The following ADAMTSL1 variants were observed in gnomAD, a reference collection of about 807,000 sequenced individuals.
ADAMTSL1 encodes the protein ADAMTS-like protein 1.
Under a neutral mutation model 201.8 loss-of-function variants are expected in ADAMTSL1, and 126 were observed. The ratio of observed to expected loss-of-function variants is 0.62; its 90% CI spans 0.54 to 0.72. The LOEUF (loss-of-function observed/expected upper bound fraction) is 0.72, where lower values mean the gene tolerates loss of function less well. ADAMTSL1 is among the 30% of genes least tolerant of loss of function. The pLI, the probability that ADAMTSL1 is intolerant of heterozygous loss-of-function variation, is 0.00. For missense variants in ADAMTSL1, 2,679 were observed against 2,277.8 expected, an observed-to-expected ratio of 1.18 and a Z score of -3.59; for synonymous variants, 1,121 against 903.4, an observed-to-expected ratio of 1.24 and a Z score of -4.32.
intron 9 of ADAMTSL1, among the ~76,000 whole-genome samples, chr9:18,672,318 A>C (rs1294226847): frequency 1.3e-5 from 2 of 152,198 alleles, no homozygotes; most frequent in Non-Finnish European, 2.9e-5. Flanking sequence ...TCATAGTTCC[A>C]AAGTTTCTGT....
chr9:18,843,359 G>A (rs1282607801), intron 23 of ADAMTSL1, among the ~76,000 whole-genome samples: 1 of 150,834 alleles, frequency 6.6e-6, no homozygotes, highest in Non-Finnish European at 1.5e-5. Flanking sequence ...GTTGAATATT[G>A]GTCCCCCCTC....
At chr9:17,933,727 G>C (rs1826892551) in intron 1 of ADAMTSL1, among the ~76,000 whole-genome samples, 1 of 152,086 alleles carries the variant, frequency 6.6e-6, no homozygotes, top group Admixed American at 6.6e-5. Flanking sequence ...CAGAGAAAGG[G>C]GAGGTGCTAC....
intron 2 of ADAMTSL1, among the ~76,000 whole-genome samples, chr9:18,180,651 G>A (rs1470718006): frequency 1.3e-5 from 2 of 151,838 alleles, no homozygotes; most frequent in Non-Finnish European, 2.9e-5. Flanking sequence ...CAAACAAATG[G>A]AAGAACATTC....
At chr9:18,640,486 A>G (rs924183217) in intron 7 of ADAMTSL1, among the ~76,000 whole-genome samples, 5 of 152,100 alleles carry the variant, frequency 3.3e-5, no homozygotes, top group Non-Finnish European at 5.9e-5. Context: ...CTGAAATTAT[A>G]TAACTGGATT....
At chr9:18,388,047 CTTTG>C (rs1837876669) in intron 2 of ADAMTSL1, among the ~76,000 whole-genome samples, 1 of 151,878 alleles carries the variant, frequency 6.6e-6, no homozygotes, top group Non-Finnish European at 1.5e-5. Context: ...ATTAATGCTT[CTTTG>C]TTTGATATTT....
chr9:18,773,347 G>T (rs147264155), intron 17 of ADAMTSL1, among the ~76,000 whole-genome samples: 1 of 152,128 alleles, frequency 6.6e-6, no homozygotes, highest in Non-Finnish European at 1.5e-5. Context: ...GAAAGAGTTT[G>T]ATATTAAATA....
rs118075068 is a variant in ADAMTSL1 at position 18,899,962 on chromosome 9, C to T, written c.4852-5820C>T. 2.4e-3 allele frequency among the ~76,000 whole-genome samples: 359 copies of T among 152,264 alleles called. 3 individuals carry two copies. The highest frequency in any genetic ancestry group is 4.3e-3 in the Non-Finnish European group (291 of 68,022). On this transcript the variant is annotated intron_variant, in intron 26 of 28. Coordinates refer to ENST00000380548, the MANE Select transcript of ADAMTSL1 (RefSeq NM_001040272.6). ...AATGAGTTCTAACTAAACTAAAGAG[C>T]TTCTGCTCATCAAAAGAAACTATCA...
At chr9:17,995,547 G>T (rs183803464) in intron 1 of ADAMTSL1, among the ~76,000 whole-genome samples, 1 of 151,976 alleles carries the variant, frequency 6.6e-6, no homozygotes, top group Admixed American at 6.6e-5. Context: ...GAATAGTTTG[G>T]TCTGAACTAG....
Position 18,908,714 on chromosome 9 carries a change from G to A in ADAMTSL1, c.*166G>A, listed in dbSNP as rs1387331359. ...TCCACCTTCAAGCATAAGGACGTCC[G>A]CGTGTTTTCTCTTTCAGTTAGCTGG... On this transcript the variant is annotated 3_prime_UTR_variant, in exon 29 of 29. Coordinates refer to ENST00000380548, the MANE Select transcript of ADAMTSL1 (RefSeq NM_001040272.6). 14 of 585,802 alleles carry A rather than the reference G, an allele frequency of 2.4e-5. No homozygotes were observed. The highest frequency in any genetic ancestry group is 3.9e-5 in the Non-Finnish European group (13 of 332,178). The allele number at this position is 585,802 out of a possible 1,614,324, so 36.3% of individuals were successfully genotyped here.
intron 2 of ADAMTSL1, among the ~76,000 whole-genome samples, chr9:18,289,198 G>C (rs1462877791): frequency 6.8e-6 from 1 of 146,144 alleles, no homozygotes; most frequent in Non-Finnish European, 1.5e-5. Flanking sequence ...TCTATAGAGA[G>C]ATATGGATAT....
chr9:18,695,532 T>A (rs1458126104), intron 13 of ADAMTSL1, among the ~76,000 whole-genome samples: 1 of 152,248 alleles, frequency 6.6e-6, no homozygotes, highest in African/African-American at 2.4e-5. Flanking sequence ...AACACTTTGC[T>A]GCTTAGAAAT....
chr9:18,567,845 G>A lies in ADAMTSL1; in HGVS notation c.238-6185G>A, dbSNP rs140444802. 4.3e-3 allele frequency among the ~76,000 whole-genome samples: 652 copies of A among 152,104 alleles called. 4 individuals are homozygous for A. Among genetic ancestry groups the A allele is most frequent in the African/African-American group, 0.014 (596 of 41,500 alleles). On this transcript the variant is annotated intron_variant, in intron 3 of 28. Transcript: ENST00000380548. ...ATTTATAAATCACATTGAGAAATTA[G>A]CAAAAATAATAAAATAGAATTTTAA...
chr9:18,899,879 G>C (rs1829901485), intron 26 of ADAMTSL1, among the ~76,000 whole-genome samples: 2 of 152,132 alleles, frequency 1.3e-5, no homozygotes, highest in African/African-American at 4.8e-5. Context: ...CATAGGCATA[G>C]GCAAAGATTT....
At chr9:18,517,217 G>T (rs1257060488) in intron 2 of ADAMTSL1, among the ~76,000 whole-genome samples, 6 of 152,170 alleles carry the variant, frequency 3.9e-5, no homozygotes, top group Non-Finnish European at 8.8e-5. Context: ...CTTCTTGCTA[G>T]TGGATCTTAA....
At chr9:18,665,278 C>T (rs953932086) in intron 9 of ADAMTSL1, among the ~76,000 whole-genome samples, 5 of 152,046 alleles carry the variant, frequency 3.3e-5, no homozygotes, top group Admixed American at 3.3e-4. Flanking sequence ...AAAATAGCTT[C>T]CCTATTCTCA....
At chr9:18,213,381 ACT>A (rs1829951174) in intron 2 of ADAMTSL1, among the ~76,000 whole-genome samples, 1 of 152,196 alleles carries the variant, frequency 6.6e-6, no homozygotes. Context: ...AGAACAAAAC[ACT>A]GTGTTCCTGG....
At chr9:18,285,035 C>G (rs1427504604) in intron 2 of ADAMTSL1, among the ~76,000 whole-genome samples, 1 of 152,138 alleles carries the variant, frequency 6.6e-6, no homozygotes, top group Non-Finnish European at 1.5e-5. Flanking sequence ...GGACACATCT[C>G]ATGATTTTCT....
At chr9:17,913,842 A>G (rs1181112598) in intron 1 of ADAMTSL1, among the ~76,000 whole-genome samples, 2 of 152,124 alleles carry the variant, frequency 1.3e-5, no homozygotes, top group Non-Finnish European at 2.9e-5. Flanking sequence ...TGGGGATATC[A>G]CCACCGATCC....
At chr9:18,356,424 A>G (rs1160949457) in intron 2 of ADAMTSL1, among the ~76,000 whole-genome samples, 2 of 149,620 alleles carry the variant, frequency 1.3e-5, no homozygotes, top group Admixed American at 6.7e-5. Context: ...ACTACTTGGG[A>G]TGCTAAGGCA....
Sources: gnomAD v4.1 joint callset for allele counts (sites outside exome capture counted in the v4.1 genomes callset) on GRCh38, gnomAD v4.1.1 for gene constraint, MANE v1.5 for transcripts, NCBI Gene and HGNC (gene_info 2026-07-23, HGNC 2026-07-21) for gene names.